GADL1: variants seen among roughly 807,000 people sequenced by gnomAD.
GADL1 encodes the protein GAD like acidic amino acid decarboxylase 1, also known as acidic amino acid decarboxylase GADL1.
In GADL1, 71 loss-of-function variants were observed where a neutral mutation model predicts 69.5. That is an observed-to-expected ratio of 1.02 (90% CI 0.84 to 1.25). GADL1 has a LOEUF of 1.25. Among genes scored for constraint, GADL1 ranks in the 50% most tolerant of loss-of-function variants. The probability of loss-of-function intolerance (pLI) is 0.00; values close to 1 mark genes in which losing one functional copy is unlikely to be tolerated. For synonymous variants in GADL1, 254 were observed against 214.4 expected, an observed-to-expected ratio of 1.18 and a Z score of -1.62; for missense variants, 737 against 631.8, an observed-to-expected ratio of 1.17 and a Z score of -1.79.
At chr3:30,823,091 A>C (rs1185529973) in intron 11 of GADL1, among the ~76,000 whole-genome samples, 1 of 152,138 alleles carries the variant, frequency 6.6e-6, no homozygotes, top group South Asian at 2.1e-4. Flanking sequence ...AAATATAAAA[A>C]CTGCATCTAA....
chr3:30,755,655 C>T (rs538167010), intron 14 of GADL1, among the ~76,000 whole-genome samples: 157 of 152,222 alleles, frequency 1.0e-3, no homozygotes, highest in Non-Finnish European at 1.9e-3. Context: ...ATGTCTGAAT[C>T]CCCTGTTAGA....
At chr3:30,736,043 G>C (rs970673743) in intron 14 of GADL1, among the ~76,000 whole-genome samples, 26 of 151,916 alleles carry the variant, frequency 1.7e-4, no homozygotes. Flanking sequence ...TTTAAAACTA[G>C]CAAGTATTTT....
chr3:30,827,793 G>A (rs1575223719), intron 11 of GADL1, among the ~76,000 whole-genome samples: 1 of 151,838 alleles, frequency 6.6e-6, no homozygotes, highest in East Asian at 1.9e-4. Flanking sequence ...TCTCAACTTT[G>A]CCAAAAGGTC....
chr3:30,843,757 A>G (rs751040473), intron 8 of GADL1, among the ~76,000 whole-genome samples: 30 of 152,218 alleles, frequency 2.0e-4, no homozygotes, highest in Non-Finnish European at 3.4e-4. Flanking sequence ...TGGGATTGGA[A>G]GCAACCTGGG....
In GADL1 at chr3:30,727,654, C is replaced by A. The variant is rs2125466824; in HGVS notation, c.*588G>T. ...CAGAGGCTTCTGAAATATTAGATAT[C>A]CCTTTGCTGGCAAAACATCAGAGTG... On this transcript the variant is annotated 3_prime_UTR_variant, in exon 15 of 15. Transcript: ENST00000282538. The A allele has an allele frequency of 6.6e-6, 1 of 152,184 alleles. No homozygotes were observed. Among genetic ancestry groups the A allele is most frequent in the South Asian group, 2.1e-4 (1 of 4,818 alleles). 9.4% of individuals were successfully genotyped at this position (152,184 alleles called of 1,614,324 possible).
chr3:30,894,012 A>G (rs1348993694), intron 1 of GADL1, among the ~76,000 whole-genome samples: 1 of 152,244 alleles, frequency 6.6e-6, no homozygotes, highest in Non-Finnish European at 1.5e-5. Context: ...CAGAAATAGA[A>G]CTAAGTGGCA....
intron 14 of GADL1, among the ~76,000 whole-genome samples, chr3:30,753,151 A>G (rs529815324): frequency 6.6e-6 from 1 of 152,004 alleles, no homozygotes; most frequent in South Asian, 2.1e-4. Context: ...CAATCTTCTA[A>G]GTAACCTTGC....
At position 30,750,330 on chromosome 3, in the gene GADL1, C is replaced by CAAT. The variant is rs147598589; in HGVS notation, c.1393-21918_1393-21916dup. On this transcript the variant is annotated intron_variant, in intron 14 of 14. Transcript: ENST00000282538. ...AGTTTCAAAAATGTCCTGAGTTGGG[C>CAAT]AATTCATCCTCTGGTCACCAGACAC... Among the ~76,000 whole-genome samples, 1,408 of 152,216 alleles carry CAAT rather than the reference C, an allele frequency of 9.3e-3. 21 individuals are homozygous for CAAT. The highest frequency in any genetic ancestry group is 0.032 in the African/African-American group (1,330 of 41,518).
intron 8 of GADL1, among the ~76,000 whole-genome samples, chr3:30,841,190 T>A (rs767883826): frequency 3.3e-4 from 50 of 152,320 alleles, no homozygotes; most frequent in Non-Finnish European, 3.1e-4. Flanking sequence ...TGTATTATTA[T>A]CTCAGAATGG....
chr3:30,772,564 A>C (rs1484312457), intron 14 of GADL1, among the ~76,000 whole-genome samples: 1 of 152,130 alleles, frequency 6.6e-6, no homozygotes, highest in African/African-American at 2.4e-5. Flanking sequence ...AACTTATTTC[A>C]GGAAGTTACT....
At chr3:30,733,609 C>CTTCCTTCCTTCG (rs1695499040) in intron 14 of GADL1, among the ~76,000 whole-genome samples, 1 of 150,350 alleles carries the variant, frequency 6.7e-6, no homozygotes, top group Non-Finnish European at 1.5e-5. Flanking sequence ...TCCTTCCTTC[C>CTTCCTTCCTTCG]TTCCTTCCTT....
At chr3:30,767,866 C>T (rs1399885641) in intron 14 of GADL1, among the ~76,000 whole-genome samples, 2 of 152,034 alleles carry the variant, frequency 1.3e-5, no homozygotes, top group African/African-American at 2.4e-5. Flanking sequence ...TACCCTTATT[C>T]AAATTTATAA....
At chr3:30,774,625 A>C (rs987185946) in intron 14 of GADL1, among the ~76,000 whole-genome samples, 4 of 152,160 alleles carry the variant, frequency 2.6e-5, no homozygotes, top group Non-Finnish European at 4.4e-5. Context: ...ATGCTCAAGT[A>C]TTTATATAAT....
At chr3:30,763,404 G>A (rs1355181977) in intron 14 of GADL1, among the ~76,000 whole-genome samples, 2 of 127,280 alleles carry the variant, frequency 1.6e-5, no homozygotes, top group African/African-American at 6.0e-5. Flanking sequence ...TTGGGAGGAT[G>A]AGGCAGGAGA....
intron 14 of GADL1, among the ~76,000 whole-genome samples, chr3:30,733,740 T>C (rs1168377699): frequency 1.1e-4 from 16 of 152,060 alleles, no homozygotes; most frequent in African/African-American, 2.9e-4. Context: ...TTAGATTTTC[T>C]GAAGCCAGGT....
chr3:30,777,375 A>C (rs1358453225), intron 14 of GADL1, among the ~76,000 whole-genome samples: 1 of 152,174 alleles, frequency 6.6e-6, no homozygotes. Flanking sequence ...GAATTGCCTG[A>C]TTTTAATGGT....
intron 14 of GADL1, among the ~76,000 whole-genome samples, chr3:30,743,592 G>A (rs1695656930): frequency 6.6e-6 from 1 of 152,154 alleles, no homozygotes; most frequent in Admixed American, 6.5e-5. Flanking sequence ...CCAGAGGAGT[G>A]GGCTGGTGAG....
At chr3:30,815,830 C>T (rs1390662497) in intron 11 of GADL1, among the ~76,000 whole-genome samples, 1 of 152,178 alleles carries the variant, frequency 6.6e-6, no homozygotes, top group Non-Finnish European at 1.5e-5. Context: ...GATCCATTAC[C>T]TGCCATCTTG....
intron 1 of GADL1, among the ~76,000 whole-genome samples, chr3:30,888,081 T>C (rs368060041): frequency 3.3e-5 from 5 of 152,236 alleles, no homozygotes; most frequent in African/African-American, 1.2e-4. Flanking sequence ...GTTATGTAAG[T>C]AGTTGTTATA....
Sources: gnomAD v4.1 joint callset for allele counts (sites outside exome capture counted in the v4.1 genomes callset) on GRCh38, gnomAD v4.1.1 for gene constraint, MANE v1.5 for transcripts, NCBI Gene and HGNC (gene_info 2026-07-23, HGNC 2026-07-21) for gene names.